Variants in ANKS1B observed in about 807,000 individuals in gnomAD.
ANKS1B encodes ankyrin repeat and sterile alpha motif domain-containing protein 1B.
A neutral mutation model predicts 148.3 loss-of-function variants in ANKS1B; 36 were observed. The observed-to-expected ratio is 0.24, with a 90% CI of 0.19 to 0.32. ANKS1B has a LOEUF of 0.32. Among genes scored for constraint, ANKS1B ranks in the 10% least tolerant of loss-of-function variants. The pLI is 1.00. For missense variants in ANKS1B, 1,157 were observed against 1,542.6 expected, an observed-to-expected ratio of 0.75 and a Z score of 4.19; for synonymous variants, 542 against 560.8, an observed-to-expected ratio of 0.97 and a Z score of 0.47.
At chr12:98,940,915 G>T (rs2099835625) in intron 17 of ANKS1B, among the ~76,000 whole-genome samples, 1 of 152,140 alleles carries the variant, frequency 6.6e-6, no homozygotes, top group Admixed American at 6.5e-5. Context: ...AGAGAAAAAA[G>T]TAGGGACACA....
chr12:99,230,670 G>A (rs2086694525), intron 14 of ANKS1B, among the ~76,000 whole-genome samples: 1 of 152,118 alleles, frequency 6.6e-6, no homozygotes, highest in Admixed American at 6.6e-5. Context: ...TAGTTAGAAT[G>A]TATGGTGCTA....
At chr12:99,451,586 T>C (rs750947701) in intron 10 of ANKS1B, among the ~76,000 whole-genome samples, 18 of 152,146 alleles carry the variant, frequency 1.2e-4, no homozygotes, top group African/African-American at 4.1e-4. Flanking sequence ...ATTTGTGGAA[T>C]AAAGAAGAGT....
intron 14 of ANKS1B, chr12:99,154,821 C>T: frequency 6.6e-7 from 1 of 1,512,356 alleles, no homozygotes; most frequent in Non-Finnish European, 8.8e-7. Context: ...CATCAGTATG[C>T]AGCTCCATGC....
chr12:99,829,523 T>C (rs1009332958), intron 1 of ANKS1B, among the ~76,000 whole-genome samples: 1 of 151,946 alleles, frequency 6.6e-6, no homozygotes, highest in African/African-American at 2.4e-5. Context: ...TGGTAGCGGG[T>C]GCCTGTAGTC....
intron 10 of ANKS1B, among the ~76,000 whole-genome samples, chr12:99,476,372 C>A (rs534661688): frequency 6.6e-6 from 1 of 152,004 alleles, no homozygotes; most frequent in Non-Finnish European, 1.5e-5. Flanking sequence ...GCCTGGACAA[C>A]AGAGAGAGAC....
intron 1 of ANKS1B, among the ~76,000 whole-genome samples, chr12:99,829,797 T>A (rs532087201): frequency 2.6e-4 from 39 of 152,022 alleles, no homozygotes; most frequent in Non-Finnish European, 5.4e-4. Flanking sequence ...GCCAGTGCAC[T>A]CCAGCCTGGG....
chr12:99,923,118 G>A (rs563536240), intron 1 of ANKS1B, among the ~76,000 whole-genome samples: 19 of 152,198 alleles, frequency 1.2e-4, no homozygotes, highest in African/African-American at 2.9e-4. Flanking sequence ...TTTGGGGAAT[G>A]GTAACTCACC....
intron 4 of ANKS1B, among the ~76,000 whole-genome samples, chr12:99,782,474 G>A (rs906792610): frequency 6.6e-6 from 1 of 152,250 alleles, no homozygotes; most frequent in African/African-American, 2.4e-5. Context: ...CAGGAGAATC[G>A]CTTGAACTCA....
At chr12:99,289,906 GA>G (rs756710491) in intron 12 of ANKS1B, among the ~76,000 whole-genome samples, 8 of 151,594 alleles carry the variant, frequency 5.3e-5, no homozygotes, top group Non-Finnish European at 8.9e-5. Flanking sequence ...AAAATTACTA[GA>G]AGAAAGCAAT....
At chr12:99,868,465 T>C (rs2091043235) in intron 1 of ANKS1B, among the ~76,000 whole-genome samples, 1 of 152,196 alleles carries the variant, frequency 6.6e-6, no homozygotes, top group South Asian at 2.1e-4. Context: ...CAACAATTTA[T>C]TGGAGATCCT....
At chr12:99,130,365 T>C (rs999020804) in intron 15 of ANKS1B, among the ~76,000 whole-genome samples, 1 of 152,192 alleles carries the variant, frequency 6.6e-6, no homozygotes, top group East Asian at 1.9e-4. Flanking sequence ...TGAATCCAGA[T>C]TAGGTGGCAT....
chr12:98,768,456 C>T lies in ANKS1B; in HGVS notation c.3579+4586G>A, dbSNP rs1434663487. 4.7e-5 allele frequency among the ~76,000 whole-genome samples: 5 copies of T among 107,476 alleles called. 1 individual carries two copies. Among genetic ancestry groups the T allele is most frequent in the South Asian group, 6.5e-4 (2 of 3,074 alleles). The allele number at this position is 107,476 out of a possible 152,430, so 70.5% of individuals were successfully genotyped here. ...AAAAAAAAAAAAAAAAAAAAAAGGC[C>T]GGGCACGGTGGCTCATGCCTGTAAT... On this transcript the variant is annotated intron_variant, in intron 25 of 26. Transcript: ENST00000683438.
rs2095587847 is a variant in ANKS1B, at chr12:99,443,682, A to C, written c.1566T>G (p.Ile522Met). 3.1e-6 allele frequency: 5 copies of C among 1,611,662 alleles called. No homozygotes were observed. In the East Asian group the frequency reaches 1.1e-4, roughly 36 times the overall value. ...CATTCTGGGCACTTACCTGGGGTCG[A>C]ATGACTTTTACAATATTTTTGAGGG... ...DTALKNIVKVIRPQPKQRTSI... is the reference protein window; with the variant it reads ...DTALKNIVKVMRPQPKQRTSI... The change falls in exon 11 of 27, where the codon ATT becomes ATG. Residue 522 changes from isoleucine to methionine, a missense_variant. By Grantham distance (10) the Ile-to-Met change is conservative. Around this residue, in one of 6 missense-constraint regions of ANKS1B, gnomAD observed 661 missense variants for 642.1 expected, o/e 1.03. Transcript: ENST00000683438.
chr12:99,554,673 G>C (rs2153179093), intron 9 of ANKS1B, among the ~76,000 whole-genome samples: 1 of 152,224 alleles, frequency 6.6e-6, no homozygotes, highest in African/African-American at 2.4e-5. Flanking sequence ...GGTCACTTTG[G>C]TCCAATATTG....
At chr12:99,173,823 T>C (rs1054162405) in intron 14 of ANKS1B, among the ~76,000 whole-genome samples, 3 of 152,098 alleles carry the variant, frequency 2.0e-5, no homozygotes, top group Non-Finnish European at 4.4e-5. Flanking sequence ...ACCCTCTCAT[T>C]ACTCGTAGTT....
intron 15 of ANKS1B, among the ~76,000 whole-genome samples, chr12:99,124,679 C>CA (rs1351825160): frequency 1.3e-5 from 2 of 151,770 alleles, no homozygotes; most frequent in Non-Finnish European, 2.9e-5. Flanking sequence ...GAATAGAACA[C>CA]AAAGAACTGA....
chr12:98,853,096 T>A (rs2099540373), intron 17 of ANKS1B, among the ~76,000 whole-genome samples: 1 of 152,226 alleles, frequency 6.6e-6, no homozygotes, highest in Non-Finnish European at 1.5e-5. Flanking sequence ...TAGGACCATT[T>A]GACTGGCAAC....
At chr12:99,886,147 A>G (rs2092811845) in intron 1 of ANKS1B, among the ~76,000 whole-genome samples, 1 of 152,188 alleles carries the variant, frequency 6.6e-6, no homozygotes, top group Admixed American at 6.5e-5. Flanking sequence ...TTCCCTTTTC[A>G]CCACATTCAC....
intron 9 of ANKS1B, among the ~76,000 whole-genome samples, chr12:99,605,324 T>C (rs1422458735): frequency 6.6e-6 from 1 of 152,072 alleles, no homozygotes; most frequent in African/African-American, 2.4e-5. Flanking sequence ...ATCATTTGTT[T>C]GCAGTGAAAA....
Sources: allele counts gnomAD v4.1 joint callset (sites outside exome capture counted in the v4.1 genomes callset), GRCh38; gene constraint gnomAD v4.1.1; regional missense constraint gnomAD v4.1.1; transcripts MANE v1.5; gene names NCBI Gene and HGNC (gene_info 2026-07-23, HGNC 2026-07-21).